The following IQGAP2 variants were observed in gnomAD, a reference collection of about 807,000 sequenced individuals.
IQGAP2 encodes ras GTPase-activating-like protein IQGAP2.
Under a neutral mutation model 201.3 loss-of-function variants are expected in IQGAP2, and 173 were observed. The ratio of observed to expected loss-of-function variants is 0.86; its 90% CI spans 0.76 to 0.98. The LOEUF (loss-of-function observed/expected upper bound fraction) is 0.98, where lower values mean the gene tolerates loss of function less well. Ranked by LOEUF, IQGAP2 falls within the 50% of genes least tolerant of loss-of-function variation. The pLI, the probability that IQGAP2 is intolerant of heterozygous loss-of-function variation, is 0.00. For synonymous variants in IQGAP2, 675 were observed against 673.9 expected, an observed-to-expected ratio of 1.00 and a Z score of -0.03; for missense variants, 1,687 against 1,864.8, an observed-to-expected ratio of 0.90 and a Z score of 1.76.
chr5:76,567,564 G>C (rs1342689846), intron 3 of IQGAP2, among the ~76,000 whole-genome samples: 4 of 152,148 alleles, frequency 2.6e-5, no homozygotes, highest in African/African-American at 4.8e-5. Flanking sequence ...GGCAGTGCTT[G>C]TTCTAAGGTA....
At chr5:76,566,080 A>G (rs1201372666) in intron 3 of IQGAP2, among the ~76,000 whole-genome samples, 1 of 152,152 alleles carries the variant, frequency 6.6e-6, no homozygotes, top group Non-Finnish European at 1.5e-5. Context: ...AGAAATACAT[A>G]TAGGGTAGAA....
Position 76,403,628 on chromosome 5 carries a change from TG to T in IQGAP2, c.46+41del. On this transcript the variant is annotated intron_variant, in intron 1 of 35. Transcript: ENST00000274364. The surrounding 1 kb of genome is among the most constrained non-coding windows in gnomAD (Gnocchi z 4.8). Reference sequence around the variant, plus strand: ...GGGCGCGCGGGGTTCCTGCTGGCCTTGGGGAGCTCCCTCCCCGAGGACGGCG... The same window carrying T: ...GGGCGCGCGGGGTTCCTGCTGGCCTTGGGAGCTCCCTCCCCGAGGACGGCG... 2 of 1,472,298 alleles carry T rather than the reference TG, an allele frequency of 1.4e-6. No individual in the cohort carries two copies. The allele number at this position is 1,472,298 out of a possible 1,614,324, so 91.2% of individuals were successfully genotyped here. A position where few individuals can be genotyped will look rare whatever the true frequency, so the allele number is the denominator to read the frequency against.
At chr5:76,677,962 G>A (rs948084155) in intron 28 of IQGAP2, among the ~76,000 whole-genome samples, 2 of 152,038 alleles carry the variant, frequency 1.3e-5, no homozygotes, top group Middle Eastern at 3.4e-3. Context: ...TAAAAATAAA[G>A]CCAGATTGTA....
intron 14 of IQGAP2, chr5:76,628,700 T>C: frequency 2.2e-6 from 1 of 456,236 alleles, no homozygotes. Flanking sequence ...CTTTTCAACC[T>C]CGGAAGCATC....
At chr5:76,493,604 A>G (rs1411068123) in intron 2 of IQGAP2, among the ~76,000 whole-genome samples, 1 of 151,116 alleles carries the variant, frequency 6.6e-6, no homozygotes, top group Non-Finnish European at 1.5e-5. Context: ...TGCTCCCCCC[A>G]CCCCATAGGT....
In IQGAP2 at chr5:76,677,199, C is replaced by G. The variant is rs1318779682; in HGVS notation, c.3528-19C>G. 4 of 1,609,868 alleles carry G rather than the reference C, an allele frequency of 2.5e-6. No individual in the cohort carries two copies. In the South Asian group the frequency reaches 4.4e-5, roughly 18 times the overall value. ...GCACATGTTTGAGTCTGTCTTAAGA[C>G]TTTTCCCCCCTTTATTAGGAAATAT... On this transcript the variant is annotated intron_variant, in intron 27 of 35. Transcript: ENST00000274364.
chr5:76,403,321 A>G lies in IQGAP2; in HGVS notation c.-225A>G. 2.7e-6 allele frequency: 1 copy of G among 367,814 alleles called. No homozygotes were observed. The allele number at this position is 367,814 out of a possible 1,614,324, so 22.8% of individuals were successfully genotyped here. On this transcript the variant is annotated 5_prime_UTR_variant, in exon 1 of 36. Coordinates refer to ENST00000274364, the MANE Select transcript of IQGAP2 (RefSeq NM_006633.5). This position sits in a 1 kb window ranked among gnomAD's most constrained non-coding sequence, Gnocchi z 4.8. ...GGGAGGCGGCGGCGACCGGCCAGGGAGCGAGGGAGGAGAGTTCACTTTTAC... is the reference window on the plus strand; with the variant it reads ...GGGAGGCGGCGGCGACCGGCCAGGGGGCGAGGGAGGAGAGTTCACTTTTAC...
chr5:76,443,469 G>GTT (rs76592953), intron 1 of IQGAP2, among the ~76,000 whole-genome samples: 11 of 138,712 alleles, frequency 7.9e-5, no homozygotes, highest in Non-Finnish European at 1.4e-4. Context: ...AACACCAAAA[G>GTT]TTTTTTTTTT....
chr5:76,623,724 C>G (rs1043701697), intron 13 of IQGAP2, among the ~76,000 whole-genome samples: 12 of 152,166 alleles, frequency 7.9e-5, no homozygotes, highest in Non-Finnish European at 1.6e-4. Context: ...ATCTTCCCAG[C>G]TATTTCAAAT....
chr5:76,587,253 T>C (rs896353245), intron 5 of IQGAP2, among the ~76,000 whole-genome samples: 1 of 152,242 alleles, frequency 6.6e-6, no homozygotes, highest in African/African-American at 2.4e-5. Context: ...CTTTTTAAGA[T>C]CACATTTGGA....
chr5:76,505,820 T>C (rs1459222398), intron 2 of IQGAP2, among the ~76,000 whole-genome samples: 1 of 152,196 alleles, frequency 6.6e-6, no homozygotes, highest in Admixed American at 6.5e-5. Flanking sequence ...TTAGCACCCA[T>C]TATGTTCTAG....
At chr5:76,577,045 A>G (rs978493851) in intron 5 of IQGAP2, among the ~76,000 whole-genome samples, 1 of 152,230 alleles carries the variant, frequency 6.6e-6, no homozygotes, top group Non-Finnish European at 1.5e-5. Flanking sequence ...TACTGGGTCT[A>G]TGAGCTGCTA....
intron 13 of IQGAP2, chr5:76,615,831 A>T (rs1435406631): frequency 6.6e-6 from 1 of 152,604 alleles, no homozygotes; most frequent in Non-Finnish European, 1.5e-5. Context: ...GGCATTATTT[A>T]AAACTTCTAA....
At chr5:76,578,792 G>A (rs77841122) in intron 5 of IQGAP2, among the ~76,000 whole-genome samples, 8,080 of 151,456 alleles carry the variant, frequency 0.053, 644 homozygotes, top group East Asian at 0.42. Context: ...AACTTAAAGT[G>A]TATACTGCGT....
At chr5:76,482,609 G>A (rs909773958) in intron 2 of IQGAP2, among the ~76,000 whole-genome samples, 51 of 152,188 alleles carry the variant, frequency 3.4e-4, no homozygotes, top group Non-Finnish European at 5.9e-5. Flanking sequence ...TAAAGGCCAG[G>A]AAGGATGTTC....
At chr5:76,601,110 C>A (rs1450653800) in intron 11 of IQGAP2, 138 bp downstream of exon 11, 1 of 722,652 alleles carries the variant, frequency 1.4e-6, no homozygotes. Flanking sequence ...TTTTAAGAGT[C>A]CTTCTAATTA....
intron 2 of IQGAP2, among the ~76,000 whole-genome samples, chr5:76,474,129 C>T (rs1434502235): frequency 1.3e-5 from 2 of 152,120 alleles, no homozygotes; most frequent in Non-Finnish European, 1.5e-5. Context: ...TATGGGGATA[C>T]TGAGGCTCAG....
intron 2 of IQGAP2, among the ~76,000 whole-genome samples, chr5:76,485,753 C>T (rs893145080): frequency 2.6e-5 from 4 of 152,126 alleles, no homozygotes; most frequent in African/African-American, 4.8e-5. Context: ...TTCTGTACAG[C>T]CCCCCAGGTG....
chr5:76,420,374 CTTTTT>C (rs36086215), intron 1 of IQGAP2, among the ~76,000 whole-genome samples: 2 of 122,140 alleles, frequency 1.6e-5, no homozygotes, highest in Non-Finnish European at 3.5e-5. Context: ...ATCTTTGGAA[CTTTTT>C]TTTTTTTTTT....
Sources: allele counts gnomAD v4.1 joint callset (sites outside exome capture counted in the v4.1 genomes callset), GRCh38; gene constraint gnomAD v4.1.1; non-coding constraint Gnocchi (gnomAD v3.1); transcripts MANE v1.5; gene names NCBI Gene and HGNC (gene_info 2026-07-23, HGNC 2026-07-21).